Variants in CTNNA2 observed in about 807,000 individuals in gnomAD.
CTNNA2 encodes the protein catenin alpha-2.
CTNNA2 carries 42 observed loss-of-function variants against 101.0 expected under a neutral mutation model. The observed-to-expected ratio is 0.42, with a 90% CI of 0.32 to 0.54. The LOEUF is 0.54. CTNNA2 is among the 20% of genes least tolerant of loss of function. The pLI, the probability that CTNNA2 is intolerant of heterozygous loss-of-function variation, is 0.14. For missense variants in CTNNA2, 871 were observed against 1,223.1 expected (o/e 0.71, Z 4.29); for synonymous variants, 450 against 456.4 (o/e 0.99, Z 0.18).
chr2:80,187,636 A>G (rs1038491272), intron 7 of CTNNA2, among the ~76,000 whole-genome samples: 2 of 152,214 alleles, frequency 1.3e-5, no homozygotes, highest in Admixed American at 6.5e-5. Context: ...TTACAAGGCA[A>G]AGGGCAGAGA....
At chr2:80,130,917 A>C (rs182173536) in intron 7 of CTNNA2, among the ~76,000 whole-genome samples, 13 of 152,244 alleles carry the variant, frequency 8.5e-5, no homozygotes, top group Middle Eastern at 3.4e-3. Flanking sequence ...CTTGTGATTA[A>C]AAAGAATAAT....
chr2:79,963,921 A>G (rs1365232043), intron 7 of CTNNA2, among the ~76,000 whole-genome samples: 1 of 152,152 alleles, frequency 6.6e-6, no homozygotes, highest in East Asian at 1.9e-4. Context: ...TTCTGTATCT[A>G]TCTGGAGCTC....
chr2:80,302,369 G>C lies in CTNNA2; in HGVS notation c.1057-90842G>C. 1 of 1,614,242 alleles carries C rather than the reference G, an allele frequency of 6.2e-7. No individual in the cohort carries two copies. Among genetic ancestry groups the C allele is most frequent in the Non-Finnish European group, 8.5e-7 (1 of 1,180,040 alleles). On this transcript the variant is annotated intron_variant, in intron 7 of 18. Transcript: ENST00000402739. The surrounding 1 kb of genome is among the most constrained non-coding windows in gnomAD (Gnocchi z 6.4). ...GTAATCAACGTAGTATTCCTGGGCA[G>C]ACATGGCAGCCATCTGATGCATGGT...
rs115232755 is a variant in CTNNA2 at position 80,456,700 on chromosome 2, A to G, written c.1290+37099A>G. Among the ~76,000 whole-genome samples, 450 of 152,256 alleles carry G rather than the reference A, an allele frequency of 3.0e-3. 3 individuals carry two copies. Among genetic ancestry groups the G allele is most frequent in the African/African-American group, 1.0e-2 (415 of 41,526 alleles). ...CATGGCCTTAGACAGGTACTTATAC[A>G]CTTCGAGTTTCAGTTTCCTTAGCTA... On this transcript the variant is annotated intron_variant, in intron 9 of 18. Coordinates refer to ENST00000402739, the MANE Select transcript of CTNNA2 (RefSeq NM_001282597.3).
At chr2:79,821,036 CTAA>C (rs1302318143) in intron 3 of CTNNA2, among the ~76,000 whole-genome samples, 1 of 152,048 alleles carries the variant, frequency 6.6e-6, no homozygotes, top group African/African-American at 2.4e-5. Flanking sequence ...AATAAATCTC[CTAA>C]TAATGGCACA....
At chr2:79,587,992 C>T (rs1676605392) in intron 1 of CTNNA2, among the ~76,000 whole-genome samples, 1 of 151,942 alleles carries the variant, frequency 6.6e-6, no homozygotes, top group African/African-American at 2.4e-5. Context: ...TGATGGATGC[C>T]CTTCAAAGTA....
chr2:79,740,683 T>A (rs1414568417), intron 2 of CTNNA2, among the ~76,000 whole-genome samples: 1 of 152,228 alleles, frequency 6.6e-6, no homozygotes, highest in East Asian at 1.9e-4. Context: ...TAAATACATT[T>A]TAAGATTATT....
At chr2:80,628,809 T>C (rs937240838) in intron 18 of CTNNA2, among the ~76,000 whole-genome samples, 1 of 152,050 alleles carries the variant, frequency 6.6e-6, no homozygotes, top group African/African-American at 2.4e-5. Flanking sequence ...ATGAAGGCTT[T>C]GAGTGGCACG....
intron 3 of CTNNA2, among the ~76,000 whole-genome samples, chr2:79,817,883 A>G (rs779557197): frequency 6.6e-6 from 1 of 152,160 alleles, no homozygotes; most frequent in Non-Finnish European, 1.5e-5. Context: ...TTCCAATTAT[A>G]TTGCACCATC....
rs61754544 is a variant in CTNNA2, at chr2:79,858,113, G to A, written c.399G>A (p.Ala133=). The A allele has an allele frequency of 3.9e-3, 6,230 of 1,613,988 alleles. 238 individuals are homozygous for A. The African/African-American group carries it at 0.072, about 19-fold the overall frequency. The change falls in exon 4 of 19, where the codon GCG becomes GCA. Residue 133 remains alanine (A), a synonymous_variant. Coordinates refer to ENST00000402739, the MANE Select transcript of CTNNA2 (RefSeq NM_001282597.3). The part of the protein sequence containing the change: ...MVRAARALLS[A]VTRLLILADM... ...GGGCGGCAAGGGCTTTGCTCTCCGCGGTGACACGCTTACTCATCCTGGCGG... is the reference window on the plus strand; with the variant it reads ...GGGCGGCAAGGGCTTTGCTCTCCGCAGTGACACGCTTACTCATCCTGGCGG...
At chr2:80,642,317 T>C (rs140305576) in intron 18 of CTNNA2, among the ~76,000 whole-genome samples, 19 of 152,132 alleles carry the variant, frequency 1.2e-4, no homozygotes, top group Non-Finnish European at 2.4e-4. Context: ...GCTATTCCTT[T>C]TGTTCATTTA....
intron 7 of CTNNA2, among the ~76,000 whole-genome samples, chr2:80,130,225 C>T (rs1702342006): frequency 6.6e-6 from 1 of 152,126 alleles, no homozygotes; most frequent in African/African-American, 2.4e-5. Context: ...TTTATTAAAG[C>T]AGCCATTTAA....
At chr2:79,527,209 A>C (rs1573248784) in intron 1 of CTNNA2, among the ~76,000 whole-genome samples, 1 of 152,238 alleles carries the variant, frequency 6.6e-6, no homozygotes, top group African/African-American at 2.4e-5. Flanking sequence ...AAAGGACTAG[A>C]ATAGACATTT....
At chr2:80,588,091 A>C (rs1021110646) in intron 14 of CTNNA2, among the ~76,000 whole-genome samples, 7 of 152,224 alleles carry the variant, frequency 4.6e-5, no homozygotes, top group African/African-American at 1.7e-4. Context: ...ATAAGTAACT[A>C]TGTTTAATGG....
chr2:80,193,714 T>C (rs572045224), intron 7 of CTNNA2, among the ~76,000 whole-genome samples: 24 of 152,304 alleles, frequency 1.6e-4, no homozygotes, highest in Non-Finnish European at 2.9e-4. Flanking sequence ...TCTTATCATG[T>C]GTAACATTCC....
chr2:80,169,372 G>A (rs1236254547), intron 7 of CTNNA2, among the ~76,000 whole-genome samples: 1 of 152,164 alleles, frequency 6.6e-6, no homozygotes, highest in African/African-American at 2.4e-5. Context: ...AACCACTTAG[G>A]TTGGAGAAAT....
At chr2:79,792,883 T>A (rs1675394389) in intron 3 of CTNNA2, among the ~76,000 whole-genome samples, 1 of 152,222 alleles carries the variant, frequency 6.6e-6, no homozygotes, top group African/African-American at 2.4e-5. Flanking sequence ...ATTTCTATAA[T>A]ACCTATACTA....
intron 1 of CTNNA2, among the ~76,000 whole-genome samples, chr2:79,534,903 A>G (rs1023219801): frequency 7.0e-6 from 1 of 143,290 alleles, no homozygotes; most frequent in Non-Finnish European, 1.5e-5. Flanking sequence ...AAGAAGGGTG[A>G]AAAAAAAAAA....
chr2:80,475,113 C>CA (rs755363971), intron 9 of CTNNA2, among the ~76,000 whole-genome samples: 3 of 152,212 alleles, frequency 2.0e-5, no homozygotes, highest in East Asian at 3.9e-4. Flanking sequence ...CACCCTTTTC[C>CA]AAAAAATATG....
Sources: gnomAD v4.1 joint callset for allele counts (sites outside exome capture counted in the v4.1 genomes callset) on GRCh38, gnomAD v4.1.1 for gene constraint, Gnocchi (gnomAD v3.1) non-coding constraint, MANE v1.5 for transcripts, NCBI Gene and HGNC (gene_info 2026-07-23, HGNC 2026-07-21) for gene names.